NVL: variants seen among roughly 807,000 people sequenced by gnomAD.
NVL encodes the protein nuclear VCP like.
NVL carries 84 observed loss-of-function variants against 110.2 expected under a neutral mutation model. That is an observed-to-expected ratio of 0.76 (90% CI 0.64 to 0.91). The LOEUF (loss-of-function observed/expected upper bound fraction) is 0.91. Among genes scored for constraint, NVL ranks in the 40% least tolerant of loss-of-function variants. The pLI is 0.00. For synonymous variants in NVL, 354 were observed against 361.1 expected, an observed-to-expected ratio of 0.98 and a Z score of 0.22; for missense variants, 882 against 1,035.9, an observed-to-expected ratio of 0.85 and a Z score of 2.04.
chr1:224,246,773 C>A (rs920543791), intron 19 of NVL, among the ~76,000 whole-genome samples: 1 of 152,116 alleles, frequency 6.6e-6, no homozygotes, highest in Non-Finnish European at 1.5e-5. Flanking sequence ...TGGTGGCTCA[C>A]GCCTGTAATC....
chr1:224,293,070 A>G (rs925113162), intron 12 of NVL, among the ~76,000 whole-genome samples: 4 of 125,144 alleles, frequency 3.2e-5, no homozygotes, highest in African/African-American at 1.2e-4. Flanking sequence ...TTTCAGAACA[A>G]TTTTTTTTTT....
intron 18 of NVL, among the ~76,000 whole-genome samples, chr1:224,263,137 G>A (rs990512371): frequency 6.6e-6 from 1 of 152,158 alleles, no homozygotes; most frequent in African/African-American, 2.4e-5. Context: ...TAGAAGGGAT[G>A]GGAGAGAAAA....
intron 16 of NVL, among the ~76,000 whole-genome samples, chr1:224,279,418 GTC>G (rs1381469377): frequency 1.3e-5 from 2 of 152,016 alleles, no homozygotes; most frequent in South Asian, 2.1e-4. Flanking sequence ...CAGAGACCCT[GTC>G]TCTCTCTCAA....
At chr1:224,253,396 A>G (rs1662741418) in intron 18 of NVL, among the ~76,000 whole-genome samples, 1 of 151,992 alleles carries the variant, frequency 6.6e-6, no homozygotes, top group Non-Finnish European at 1.5e-5. Flanking sequence ...AGTGTAAGAT[A>G]CCAGTAGTAT....
intron 19 of NVL, among the ~76,000 whole-genome samples, chr1:224,249,150 A>ATTT (rs10642577): frequency 2.5e-4 from 38 of 150,300 alleles, no homozygotes; most frequent in Admixed American, 4.0e-4. Context: ...AAGTCATTCA[A>ATTT]TTTTTTTTTT....
At chr1:224,303,635 G>A in intron 9 of NVL, 88 bp downstream of exon 9, 1 of 1,380,172 alleles carries the variant, frequency 7.2e-7, no homozygotes, top group Non-Finnish European at 9.9e-7. Context: ...AGAATGCCAT[G>A]TCTGGTTTAA....
intron 18 of NVL, among the ~76,000 whole-genome samples, chr1:224,252,347 A>G (rs1236509631): frequency 6.6e-6 from 1 of 151,414 alleles, no homozygotes; most frequent in Non-Finnish European, 1.5e-5. Flanking sequence ...ACCATTCCTG[A>G]CTCCTCCACA....
chr1:224,231,144 AAAAG>A (rs1659836389), intron 22 of NVL, 78 bp downstream of exon 22: 3 of 995,944 alleles, frequency 3.0e-6, no homozygotes, highest in African/African-American at 1.6e-5. Context: ...AAAAAAAAAA[AAAAG>A]AGTTTAATTC....
intron 19 of NVL, among the ~76,000 whole-genome samples, chr1:224,247,681 T>A (rs538823909): frequency 2.1e-5 from 3 of 142,648 alleles, no homozygotes; most frequent in Admixed American, 1.4e-4. Context: ...AAAAAAAAAA[T>A]TTGTTTTCTT....
chr1:224,284,249 C>T (rs990830524), intron 15 of NVL, among the ~76,000 whole-genome samples: 9 of 151,556 alleles, frequency 5.9e-5, no homozygotes, highest in Admixed American at 2.0e-4. Flanking sequence ...TTATAAATAA[C>T]AAATCTTAAT....
rs372502637 is a variant in NVL, at chr1:224,233,187, G to A, written c.2455+14C>T. On this transcript the variant is annotated intron_variant, in intron 21 of 22. Transcript: ENST00000281701. ...ATCATAATTAGAATTGAGAGATTCT[G>A]GAGAGAATTGTACCTTTTTCATTTC... The A allele has an allele frequency of 1.2e-6, 2 of 1,600,392 alleles. No individual in the cohort carries two copies. Among genetic ancestry groups the A allele is most frequent in the African/African-American group, 2.7e-5 (2 of 74,404 alleles).
chr1:224,230,163 C>G (rs1659712953), intron 22 of NVL, among the ~76,000 whole-genome samples: 1 of 152,160 alleles, frequency 6.6e-6, no homozygotes, highest in Non-Finnish European at 1.5e-5. Flanking sequence ...CCTTCTCCCA[C>G]CTATGGTGAA....
intron 12 of NVL, among the ~76,000 whole-genome samples, chr1:224,290,254 G>T (rs919343623): frequency 6.6e-6 from 1 of 152,110 alleles, no homozygotes; most frequent in Admixed American, 6.5e-5. Context: ...AACCTAACTG[G>T]CAACATGGTA....
rs1666271637 is a variant in NVL, at chr1:224,281,192, A to C, written c.1900-7T>G. Reference sequence around the variant, plus strand: ...CGGACTCATTTGCAACAGCCTAGCAAGAGGAAACAAAAAGACACAAATAAG... The same window carrying C: ...CGGACTCATTTGCAACAGCCTAGCACGAGGAAACAAAAAGACACAAATAAG... On this transcript the variant is annotated splice_region_variant and splice_polypyrimidine_tract_variant and intron_variant, in intron 15 of 22. Transcript: ENST00000281701. 6.2e-7 allele frequency: 1 copy of C among 1,612,658 alleles called. No individual in the cohort carries two copies. The highest frequency in any genetic ancestry group is 1.3e-5 in the African/African-American group (1 of 74,862).
chr1:224,254,299 G>A (rs1275206620), intron 18 of NVL, among the ~76,000 whole-genome samples: 1 of 151,112 alleles, frequency 6.6e-6, no homozygotes, highest in Non-Finnish European at 1.5e-5. Flanking sequence ...CACCATATTG[G>A]TCAGGCTGGT....
intron 12 of NVL, among the ~76,000 whole-genome samples, chr1:224,291,412 G>A (rs569282749): frequency 6.6e-6 from 1 of 151,960 alleles, no homozygotes; most frequent in Non-Finnish European, 1.5e-5. Flanking sequence ...ACTTGGACAA[G>A]GAAATATATT....
Position 224,281,952 on chromosome 1 carries a change from C to CAA in NVL, c.1900-769_1900-768dup, listed in dbSNP as rs528565412. On this transcript the variant is annotated intron_variant, in intron 15 of 22. Transcript: ENST00000281701. Reference sequence around the variant, plus strand: ...TGGGCGACAGAGCGAGACTCTGTCTCAAAAAAAAAAAAAAAGGAAAAAAGA... The same window carrying CAA: ...TGGGCGACAGAGCGAGACTCTGTCTCAAAAAAAAAAAAAAAAAGGAAAAAAGA... 4.3e-3 allele frequency among the ~76,000 whole-genome samples: 256 copies of CAA among 59,182 alleles called. 1 individual carries two copies. Among genetic ancestry groups the CAA allele is most frequent in the Admixed American group, 7.4e-3 (39 of 5,290 alleles). The allele number at this position is 59,182 out of a possible 152,430, so 38.8% of individuals were successfully genotyped here.
At chr1:224,281,327 GT>G (rs1666303171) in intron 15 of NVL, 142 bp from the exon 16 acceptor site, 2 of 669,256 alleles carry the variant, frequency 3.0e-6, no homozygotes, top group South Asian at 1.8e-5. Flanking sequence ...TTTAGATGGA[GT>G]CTTGCTCTGT....
At chr1:224,259,822 CTTTT>C (rs60297397) in intron 18 of NVL, among the ~76,000 whole-genome samples, 22 of 135,324 alleles carry the variant, frequency 1.6e-4, no homozygotes, top group Admixed American at 1.4e-3. Context: ...ACCCAGCTAA[CTTTT>C]TTTTTTTTTT....
Sources: allele counts gnomAD v4.1 joint callset (sites outside exome capture counted in the v4.1 genomes callset), GRCh38; gene constraint gnomAD v4.1.1; transcripts MANE v1.5; gene names NCBI Gene and HGNC (gene_info 2026-07-23, HGNC 2026-07-21).